CEP97: variants seen among roughly 807,000 people sequenced by gnomAD.
CEP97 encodes centrosomal protein 97.
In CEP97, 43 loss-of-function variants were observed where a neutral mutation model predicts 73.1. The ratio of observed to expected loss-of-function variants is 0.59; its 90% CI spans 0.46 to 0.76. The LOEUF is 0.76. Among genes scored for constraint, CEP97 ranks in the 30% least tolerant of loss-of-function variants. The pLI is 0.00. For synonymous variants in CEP97, 337 were observed against 370.0 expected, an observed-to-expected ratio of 0.91 and a Z score of 1.02; for missense variants, 939 against 1,014.0, an observed-to-expected ratio of 0.93 and a Z score of 1.00.
intron 6 of CEP97, among the ~76,000 whole-genome samples, chr3:101,748,371 C>T (rs904292566): frequency 6.6e-6 from 1 of 151,652 alleles, no homozygotes; most frequent in African/African-American, 2.4e-5. Context: ...TTCACAAAAA[C>T]TTAAACTGTG....
chr3:101,735,798 A>G (rs1257344215), intron 6 of CEP97, among the ~76,000 whole-genome samples: 1 of 152,208 alleles, frequency 6.6e-6, no homozygotes, highest in Non-Finnish European at 1.5e-5. Context: ...AGCTAGCTGT[A>G]GGAGTTTTTT....
chr3:101,763,408 A>C (rs945408131), intron 10 of CEP97, among the ~76,000 whole-genome samples: 34 of 152,150 alleles, frequency 2.2e-4, no homozygotes, highest in Non-Finnish European at 2.8e-4. Flanking sequence ...AGTAAAAAAA[A>C]AAAACAGCAC....
chr3:101,749,180 G>T (rs1383046227), intron 6 of CEP97, among the ~76,000 whole-genome samples: 6 of 131,916 alleles, frequency 4.5e-5, no homozygotes, highest in Admixed American at 1.7e-4. Flanking sequence ...GAGTGTGATG[G>T]TCCCCTTCCT....
At chr3:101,738,461 C>T (rs567667437) in intron 6 of CEP97, among the ~76,000 whole-genome samples, 7 of 152,136 alleles carry the variant, frequency 4.6e-5, no homozygotes, top group Non-Finnish European at 1.0e-4. Flanking sequence ...CACTCCTGAG[C>T]AAATGTAAAA....
At chr3:101,744,292 A>G (rs1560013613) in intron 6 of CEP97, among the ~76,000 whole-genome samples, 1 of 148,918 alleles carries the variant, frequency 6.7e-6, no homozygotes, top group Admixed American at 6.7e-5. Context: ...TCAAAAAAAG[A>G]AAAAAAAAAG....
At chr3:101,759,964 G>A (rs553275880) in intron 9 of CEP97, among the ~76,000 whole-genome samples, 12 of 130,642 alleles carry the variant, frequency 9.2e-5, no homozygotes, top group African/African-American at 3.4e-4. Flanking sequence ...GAGAGATATA[G>A]AGTTTGTTCA....
intron 6 of CEP97, among the ~76,000 whole-genome samples, chr3:101,742,079 A>AAAAAAAG: frequency 6.6e-6 from 1 of 151,834 alleles, no homozygotes; most frequent in Non-Finnish European, 1.5e-5. Context: ...AACAAAAAAA[A>AAAAAAAG]CAGGAAACAA....
intron 4 of CEP97, among the ~76,000 whole-genome samples, chr3:101,729,338 A>T (rs1474630602): frequency 3.4e-5 from 2 of 58,890 alleles, no homozygotes; most frequent in Non-Finnish European, 7.2e-5. Flanking sequence ...ACTCAGTCTC[A>T]AAAAAAAAAA....
At chr3:101,746,044 T>G (rs1193681433) in intron 6 of CEP97, among the ~76,000 whole-genome samples, 1 of 152,194 alleles carries the variant, frequency 6.6e-6, no homozygotes, top group Non-Finnish European at 1.5e-5. Context: ...CTGAAAATGA[T>G]GATTTCCAAT....
chr3:101,728,896 A>G lies in CEP97; in HGVS notation c.406A>G (p.Ile136Val). The G allele has an allele frequency of 1.2e-6, 2 of 1,601,962 alleles. No homozygotes were observed. The highest frequency in any genetic ancestry group is 1.7e-6 in the Non-Finnish European group (2 of 1,168,896). The change falls in exon 4 of 11, where the codon ATA (isoleucine) becomes GTA (valine). Residue 136 changes from isoleucine (I) to valine (V), a missense_variant. Transcript: ENST00000341893. ...GCATCTCGATTTATCAGACAATAATATATCCCAGATAGGTGATCTATCTAA... is the reference window on the plus strand; with the variant it reads ...GCATCTCGATTTATCAGACAATAATGTATCCCAGATAGGTGATCTATCTAA... ...LQHLDLSDNNISQIGDLSKLV... is the reference protein window; with the variant it reads ...LQHLDLSDNNVSQIGDLSKLV...
At chr3:101,764,780 C>A in intron 10 of CEP97, 67 bp from the exon 11 acceptor site, 1 of 1,429,462 alleles carries the variant, frequency 7.0e-7, no homozygotes, top group Non-Finnish European at 9.4e-7. Flanking sequence ...GAGACCCTGT[C>A]TCAAAAACAA....
chr3:101,730,667 T>C (rs995574048), intron 4 of CEP97, among the ~76,000 whole-genome samples: 3 of 151,878 alleles, frequency 2.0e-5, no homozygotes, highest in Non-Finnish European at 4.4e-5. Flanking sequence ...GAAAAAAACA[T>C]GTAGCATGTA....
Position 101,765,239 on chromosome 3 carries a change from C to G in CEP97, c.2286C>G (p.Ser762Arg), listed in dbSNP as rs1356649188. The G allele has an allele frequency of 6.2e-7, 1 of 1,614,044 alleles. No individual in the cohort carries two copies. The highest frequency in any genetic ancestry group is 1.7e-5 in the Admixed American group (1 of 60,000). Residue 762 changes from serine (S) to arginine (R), a missense_variant, in exon 11 of 11, where the codon AGC (serine) becomes AGG (arginine). Transcript: ENST00000341893. ...SEEHGEWNKE[S>R]SNNEQDNSLL... ...AACATGGTGAATGGAATAAGGAAAG[C>G]TCAAATAACGAGCAGGACAATAGTC...
chr3:101,753,574 CT>C (rs1938908119), intron 6 of CEP97, among the ~76,000 whole-genome samples: 1 of 152,254 alleles, frequency 6.6e-6, no homozygotes, highest in Non-Finnish European at 1.5e-5. Context: ...GGGCTTCCGG[CT>C]GCTTTGTTTA....
chr3:101,755,928 T>C (rs931529973), intron 7 of CEP97, among the ~76,000 whole-genome samples: 2 of 152,206 alleles, frequency 1.3e-5, no homozygotes, highest in East Asian at 1.9e-4. Flanking sequence ...AGATGAGGTC[T>C]CACTTTGTTC....
chr3:101,762,995 C>T, intron 10 of CEP97: 1 of 1,079,574 alleles, frequency 9.3e-7, no homozygotes, highest in Non-Finnish European at 1.2e-6. Context: ...TAATAGCACA[C>T]TTTAGGGACA....
At chr3:101,753,215 C>T (rs896045345) in intron 6 of CEP97, among the ~76,000 whole-genome samples, 7 of 152,156 alleles carry the variant, frequency 4.6e-5, no homozygotes, top group African/African-American at 9.7e-5. Context: ...AACAGATTTT[C>T]GTGAACTGGG....
At chr3:101,727,581 A>C in intron 3 of CEP97, 40 bp downstream of exon 3, 1 of 1,529,308 alleles carries the variant, frequency 6.5e-7, no homozygotes, top group Non-Finnish European at 8.8e-7. Flanking sequence ...TATTCTGCGT[A>C]AAAAAAATTC....
intron 3 of CEP97, among the ~76,000 whole-genome samples, chr3:101,728,261 TG>T (rs1281751408): frequency 7.6e-6 from 1 of 131,374 alleles, no homozygotes; most frequent in Non-Finnish European, 1.6e-5. Flanking sequence ...TGGTTTCTTT[TG>T]TTTTTTTTTT....
Sources: gnomAD v4.1 joint callset for allele counts (sites outside exome capture counted in the v4.1 genomes callset) on GRCh38, gnomAD v4.1.1 for gene constraint, MANE v1.5 for transcripts, NCBI Gene and HGNC (gene_info 2026-07-23, HGNC 2026-07-21) for gene names.